Variants in RPSA2 observed in about 807,000 individuals in gnomAD.
The protein encoded by RPSA2 is small ribosomal subunit protein uS2B.
chr19:23,869,643 C>T, the RPSA2 span, among the ~76,000 whole-genome samples: 4 of 152,188 alleles, frequency 2.6e-5, no homozygotes, highest in Non-Finnish European at 5.9e-5. Flanking sequence ...CTTTATACCA[C>T]ACCGGGATCC....
the RPSA2 span, among the ~76,000 whole-genome samples, chr19:23,772,429 A>G: frequency 4.3e-4 from 66 of 152,308 alleles, no homozygotes; most frequent in African/African-American, 1.6e-3. Flanking sequence ...TACAGGTTAA[A>G]TGGTGACATA....
the RPSA2 span, among the ~76,000 whole-genome samples, chr19:23,806,105 C>T: frequency 7.1e-6 from 1 of 141,038 alleles, no homozygotes; most frequent in African/African-American, 2.6e-5. Context: ...AGTGAAGTGG[C>T]ATGATCTCGG....
chr19:23,792,905 T>A, the RPSA2 span, among the ~76,000 whole-genome samples: 1 of 152,108 alleles, frequency 6.6e-6, no homozygotes, highest in Non-Finnish European at 1.5e-5. Context: ...GAGGGGAATG[T>A]TTAAATTGAG....
the RPSA2 span, among the ~76,000 whole-genome samples, chr19:23,791,068 G>A: frequency 2.6e-5 from 4 of 152,184 alleles, no homozygotes; most frequent in African/African-American, 9.7e-5. Context: ...CAGGGACCAC[G>A]GGAGAATCAT....
chr19:23,857,954 G>C, the RPSA2 span, among the ~76,000 whole-genome samples: 1,358 of 151,844 alleles, frequency 8.9e-3, 70 homozygotes, highest in Admixed American at 0.075. Context: ...AGAGACAATT[G>C]CTTCATTTTA....
At chr19:23,809,932 C>G in the RPSA2 span, among the ~76,000 whole-genome samples, 1 of 152,100 alleles carries the variant, frequency 6.6e-6, no homozygotes, top group Admixed American at 6.6e-5. Flanking sequence ...AAGGAGCAAA[C>G]ACCTCTTCAA....
chr19:23,824,580 C>CTTTTTTTTTTTTTTTTTTTTTTTTTTTT, the RPSA2 span, among the ~76,000 whole-genome samples: 1 of 63,822 alleles, frequency 1.6e-5, no homozygotes, highest in African/African-American at 6.1e-5. Context: ...TATAGCATTT[C>CTTTTTTTTTTTTTTTTTTTTTTTTTTTT]TTTTTTTTTT....
the RPSA2 span, among the ~76,000 whole-genome samples, chr19:23,853,930 A>G: frequency 6.6e-6 from 1 of 152,222 alleles, no homozygotes. Context: ...TAATAGAAAC[A>G]TCAATCCCAG....
the RPSA2 span, among the ~76,000 whole-genome samples, chr19:23,760,069 G>T: frequency 9.2e-5 from 14 of 152,266 alleles, no homozygotes; most frequent in African/African-American, 2.9e-4. Context: ...CCAATACCCT[G>T]TGAGGGGAGG....
At chr19:23,760,607 C>G in the RPSA2 span, among the ~76,000 whole-genome samples, 5 of 151,162 alleles carry the variant, frequency 3.3e-5, no homozygotes, top group African/African-American at 1.2e-4. Flanking sequence ...CATTCCCCAC[C>G]ATAGTCTTTC....
At chr19:23,802,506 T>C in the RPSA2 span, among the ~76,000 whole-genome samples, 1,740 of 152,276 alleles carry the variant, frequency 0.011, 36 homozygotes, top group African/African-American at 0.039. Context: ...TTTGAGAATC[T>C]CCAGAACAAT....
At chr19:23,781,368 C>T in the RPSA2 span, among the ~76,000 whole-genome samples, 4 of 152,170 alleles carry the variant, frequency 2.6e-5, no homozygotes, top group South Asian at 4.2e-4. Flanking sequence ...GATGGAGTTT[C>T]GCTCTTCTTA....
chr19:23,805,580 T>C, the RPSA2 span, among the ~76,000 whole-genome samples: 3 of 152,020 alleles, frequency 2.0e-5, no homozygotes, highest in Non-Finnish European at 1.5e-5. Context: ...CATGTGGTGC[T>C]CAAAGTTTTT....
At chr19:23,848,613 G>A in the RPSA2 span, among the ~76,000 whole-genome samples, 30 of 152,294 alleles carry the variant, frequency 2.0e-4, no homozygotes, top group African/African-American at 7.2e-4. Flanking sequence ...GGTGTCCTTT[G>A]ACCATTTCCC....
the RPSA2 span, among the ~76,000 whole-genome samples, chr19:23,801,492 C>T: frequency 6.6e-6 from 1 of 152,164 alleles, no homozygotes; most frequent in African/African-American, 2.4e-5. Context: ...CCACTTGCGT[C>T]GGCCTCCCAA....
chr19:23,803,095 A>G, the RPSA2 span, among the ~76,000 whole-genome samples: 1 of 149,778 alleles, frequency 6.7e-6, no homozygotes, highest in Non-Finnish European at 1.5e-5. Context: ...CTGAGATTTA[A>G]TTTTTTTTTT....
At chr19:23,785,430 C>T in the RPSA2 span, among the ~76,000 whole-genome samples, 2 of 152,096 alleles carry the variant, frequency 1.3e-5, no homozygotes, top group African/African-American at 2.4e-5. Context: ...GGAGATGTGA[C>T]TCTCCATTTT....
the RPSA2 span, among the ~76,000 whole-genome samples, chr19:23,795,977 T>C: frequency 6.6e-6 from 1 of 152,078 alleles, no homozygotes; most frequent in African/African-American, 2.4e-5. Context: ...GTCAGCCAGG[T>C]TGATCTCAAA....
chr19:23,761,040 G>C, the RPSA2 span, among the ~76,000 whole-genome samples: 2 of 5,840 alleles, frequency 3.4e-4, no homozygotes, highest in African/African-American at 3.7e-4. Flanking sequence ...CATATATATA[G>C]GGTATATATG....
Sources: gnomAD v4.1 joint callset for allele counts (sites outside exome capture counted in the v4.1 genomes callset) on GRCh38, gnomAD v4.1.1 for gene constraint, MANE v1.5 for transcripts, NCBI Gene and HGNC (gene_info 2026-07-23, HGNC 2026-07-21) for gene names.